Variants in ACBD6 observed in about 807,000 individuals in gnomAD.
ACBD6 encodes acyl-CoA binding domain containing 6, also known as acyl-CoA-binding domain-containing protein 6.
In ACBD6, 28 loss-of-function variants were observed where a neutral mutation model predicts 37.2. The ratio of observed to expected loss-of-function variants is 0.75; its 90% CI spans 0.56 to 1.03. ACBD6 has a LOEUF of 1.03. ACBD6 is among the 50% of genes least tolerant of loss of function. The pLI, the probability that ACBD6 is intolerant of heterozygous loss-of-function variation, is 0.00. For missense variants in ACBD6, 340 were observed against 337.4 expected (o/e 1.01, Z -0.06); for synonymous variants, 113 against 126.8 (o/e 0.89, Z 0.73).
chr1:180,437,356 A>C (rs1260087625), intron 3 of ACBD6, among the ~76,000 whole-genome samples: 1 of 152,128 alleles, frequency 6.6e-6, no homozygotes, highest in African/African-American at 2.4e-5. Flanking sequence ...CAACCTGTGG[A>C]ATCTGACACT....
At chr1:180,398,066 A>ACAG (rs1287063845) in intron 5 of ACBD6, among the ~76,000 whole-genome samples, 1 of 150,382 alleles carries the variant, frequency 6.6e-6, no homozygotes, top group Non-Finnish European at 1.5e-5. Context: ...AACTACAACA[A>ACAG]CAACAACAAC....
Position 180,434,887 on chromosome 1 carries a change from C to T in ACBD6, c.385-4625G>A, listed in dbSNP as rs960685147. 3 of 767,964 alleles carry T rather than the reference C, an allele frequency of 3.9e-6. No homozygotes were observed. In the African/African-American group the frequency reaches 5.1e-5, roughly 13 times the overall value. The allele number at this position is 767,964 out of a possible 1,614,324, so 47.6% of individuals were successfully genotyped here. Reference sequence around the variant, plus strand: ...TTATGGATTTGGCTTGATTTGAAAACAAAATCTGAGAATGAATTGGAATTT... The same window carrying T: ...TTATGGATTTGGCTTGATTTGAAAATAAAATCTGAGAATGAATTGGAATTT... On this transcript the variant is annotated intron_variant, in intron 3 of 7. Transcript: ENST00000367595.
intron 3 of ACBD6, among the ~76,000 whole-genome samples, chr1:180,481,041 CA>C (rs974884765): frequency 9.1e-5 from 13 of 142,606 alleles, no homozygotes; most frequent in South Asian, 4.5e-4. Flanking sequence ...AAAAAAAAAA[CA>C]AAAAAAAAAC....
At chr1:180,338,738 T>C (rs981000783) in intron 6 of ACBD6, among the ~76,000 whole-genome samples, 10 of 152,064 alleles carry the variant, frequency 6.6e-5, no homozygotes, top group African/African-American at 1.9e-4. Flanking sequence ...CCAGAGTGAA[T>C]AGGCAACCTA....
At chr1:180,272,339 C>T (rs73046409) in intron 13 of ACBD6, among the ~76,000 whole-genome samples, 13,995 of 152,204 alleles carry the variant, frequency 0.092, 862 homozygotes, top group Admixed American at 0.19. Context: ...GCCTTGTGCC[C>T]CTAGCCCCTC....
At chr1:180,397,792 C>A (rs149437445) in intron 5 of ACBD6, among the ~76,000 whole-genome samples, 187 bp from the exon 6 acceptor site, 11 of 152,076 alleles carry the variant, frequency 7.2e-5, no homozygotes, top group African/African-American at 2.7e-4. Flanking sequence ...GTGGCTCATG[C>A]CTGTAATCCC....
chr1:180,318,963 T>C (rs1448481105), intron 6 of ACBD6, among the ~76,000 whole-genome samples: 2 of 152,240 alleles, frequency 1.3e-5, no homozygotes, highest in South Asian at 4.1e-4. Flanking sequence ...TAAGCTTGTC[T>C]ATGCATTTAA....
chr1:180,444,755 T>C (rs76937829), intron 3 of ACBD6, among the ~76,000 whole-genome samples: 5,449 of 152,284 alleles, frequency 0.036, 108 homozygotes, highest in South Asian at 0.061. Flanking sequence ...CAGGATAAAA[T>C]TTGCCAGTTC....
At chr1:180,393,588 C>T (rs1308141167) in intron 6 of ACBD6, among the ~76,000 whole-genome samples, 6 of 152,148 alleles carry the variant, frequency 3.9e-5, no homozygotes, top group Non-Finnish European at 7.4e-5. Flanking sequence ...TGAACCTTTC[C>T]TTCCATTTAT....
At chr1:180,454,711 A>G (rs1571533237) in intron 3 of ACBD6, among the ~76,000 whole-genome samples, 1 of 152,236 alleles carries the variant, frequency 6.6e-6, no homozygotes, top group Non-Finnish European at 1.5e-5. Context: ...TGGGCAAAGG[A>G]TATCAATAGA....
At chr1:180,412,347 T>C (rs751622679) in intron 5 of ACBD6, among the ~76,000 whole-genome samples, 30 of 152,178 alleles carry the variant, frequency 2.0e-4, no homozygotes, top group Admixed American at 3.9e-4. Flanking sequence ...AGCTCTGAAT[T>C]ACATATAAGT....
Sources: gnomAD v4.1 joint callset for allele counts (sites outside exome capture counted in the v4.1 genomes callset) on GRCh38, gnomAD v4.1.1 for gene constraint, MANE v1.5 for transcripts, NCBI Gene and HGNC (gene_info 2026-07-23, HGNC 2026-07-21) for gene names.